PNPT1: variants seen among roughly 807,000 people sequenced by gnomAD.
PNPT1 encodes the protein polyribonucleotide nucleotidyltransferase 1, mitochondrial.
PNPT1 carries 53 observed loss-of-function variants against 119.5 expected under a neutral mutation model. That is an observed-to-expected ratio of 0.44 (90% CI 0.36 to 0.56). The LOEUF (loss-of-function observed/expected upper bound fraction) is 0.56, where lower values mean the gene tolerates loss of function less well. Among genes scored for constraint, PNPT1 ranks in the 20% least tolerant of loss-of-function variants. The probability of loss-of-function intolerance (pLI) is 0.00; values close to 1 mark genes in which losing one functional copy is unlikely to be tolerated. For missense variants in PNPT1, 948 were observed against 938.5 expected (o/e 1.01, Z -0.13); for synonymous variants, 357 against 322.1 (o/e 1.11, Z -1.16).
intron 26 of PNPT1, among the ~76,000 whole-genome samples, chr2:55,638,728 C>T (rs866242723): frequency 3.3e-5 from 5 of 151,986 alleles, no homozygotes; most frequent in African/African-American, 7.3e-5. Flanking sequence ...TGTATGTGTA[C>T]GGCATTTATA....
intron 1 of PNPT1, among the ~76,000 whole-genome samples, chr2:55,691,868 ATATATATATATTTTTTTTTT>A (rs753585965): frequency 0.31 from 12,994 of 42,080 alleles, 869 homozygotes; most frequent in African/African-American, 0.35. Flanking sequence ...ATATATATAT[ATATATATATATTTTTTTTTT>A]TTTTTTTTTT....
At chr2:55,656,475 ATT>A (rs1696392760) in intron 15 of PNPT1, 104 bp from the exon 16 acceptor site, 1 of 1,100,678 alleles carries the variant, frequency 9.1e-7, no homozygotes, top group South Asian at 1.6e-5. Flanking sequence ...GTAGAATCTC[ATT>A]TTTGTTTTTT....
At chr2:55,641,233 A>C (rs1695825410) in intron 25 of PNPT1, among the ~76,000 whole-genome samples, 1 of 152,022 alleles carries the variant, frequency 6.6e-6, no homozygotes, top group Non-Finnish European at 1.5e-5. Context: ...AACAAAAAAA[A>C]CTTTTAGAAT....
At chr2:55,646,129 G>A in intron 21 of PNPT1, 130 bp downstream of exon 21, 1 of 909,508 alleles carries the variant, frequency 1.1e-6, no homozygotes, top group Non-Finnish European at 1.7e-6. Flanking sequence ...CACCTGGCCA[G>A]TACTTCTTGA....
Position 55,693,832 on chromosome 2 carries a change from G to A in PNPT1, c.-9C>T. The A allele has an allele frequency of 1.2e-6, 2 of 1,612,802 alleles. No homozygotes were observed. The highest frequency in any genetic ancestry group is 1.7e-6 in the Non-Finnish European group (2 of 1,179,942). On this transcript the variant is annotated 5_prime_UTR_variant, in exon 1 of 28. Coordinates refer to ENST00000447944, the MANE Select transcript of PNPT1 (RefSeq NM_033109.5). Reference sequence around the variant, plus strand: ...TACCTGCAGGCCGCCATGACACCCGGCACGCGGTCAACGCAGGCTGTGCCC... The same window carrying A: ...TACCTGCAGGCCGCCATGACACCCGACACGCGGTCAACGCAGGCTGTGCCC...
At chr2:55,689,492 T>C (rs774836923) in intron 1 of PNPT1, among the ~76,000 whole-genome samples, 6 of 152,230 alleles carry the variant, frequency 3.9e-5, no homozygotes, top group Non-Finnish European at 7.3e-5. Flanking sequence ...AAGCTAAATG[T>C]GGTATAATCC....
At chr2:55,686,116 A>C (rs1217199878) in intron 3 of PNPT1, among the ~76,000 whole-genome samples, 2 of 151,550 alleles carry the variant, frequency 1.3e-5, no homozygotes, top group Non-Finnish European at 3.0e-5. Context: ...ATTCAATGTC[A>C]AAGTACTCAT....
chr2:55,643,507 G>A (rs1458768380), intron 23 of PNPT1, 82 bp from the exon 24 acceptor site: 2 of 1,191,414 alleles, frequency 1.7e-6, no homozygotes, highest in South Asian at 2.6e-5. Flanking sequence ...CACTCTGGGG[G>A]GCTGAGGTGG....
intron 16 of PNPT1, 27 bp downstream of exon 16, chr2:55,656,278 G>A (rs369575933): frequency 3.4e-5 from 54 of 1,610,118 alleles, no homozygotes; most frequent in East Asian, 4.5e-5. Context: ...TAAGAATACC[G>A]TATTAAGTTT....
intron 1 of PNPT1, among the ~76,000 whole-genome samples, chr2:55,691,878 A>ATATATATTTT (rs1326804958): frequency 1.8e-4 from 6 of 33,120 alleles, no homozygotes; most frequent in Admixed American, 9.8e-4. Flanking sequence ...ATATATATAT[A>ATATATATTTT]TTTTTTTTTT....
intron 18 of PNPT1, among the ~76,000 whole-genome samples, 160 bp from the exon 19 acceptor site, chr2:55,647,613 G>A (rs1696042985): frequency 6.6e-6 from 1 of 151,570 alleles, no homozygotes; most frequent in South Asian, 2.1e-4. Context: ...TCTGCTTCCT[G>A]GGTTCAAGCA....
intron 1 of PNPT1, among the ~76,000 whole-genome samples, chr2:55,692,329 A>C (rs1697643033): frequency 6.6e-6 from 1 of 152,186 alleles, no homozygotes; most frequent in Admixed American, 6.5e-5. Flanking sequence ...GCACAAGAAA[A>C]TGGTGAATTA....
intron 15 of PNPT1, among the ~76,000 whole-genome samples, chr2:55,657,189 C>T (rs1314878979): frequency 1.3e-5 from 2 of 151,738 alleles, no homozygotes; most frequent in East Asian, 2.0e-4. Flanking sequence ...ATCAGCAGGG[C>T]GTGGTGGCGC....
In PNPT1 at chr2:55,679,770, A is replaced by G. The variant is rs1370522796; in HGVS notation, c.591T>C (p.Asp197=). ...TTGTTGGGTTAACAACATATTCTCC[A>G]TCAATTATTCCTATTCGTACTGCCC... The part of the protein sequence containing the change: ...PVGAVRIGII[D]GEYVVNPTRK... The change falls in exon 8 of 28, where the codon GAT becomes GAC. Residue 197 remains aspartate (D), a synonymous_variant. Transcript: ENST00000447944. 3 of 1,609,530 alleles carry G rather than the reference A, an allele frequency of 1.9e-6. No individual in the cohort carries two copies. In the African/African-American group the frequency reaches 4.0e-5, roughly 22 times the overall value.
intron 11 of PNPT1, among the ~76,000 whole-genome samples, chr2:55,670,138 C>A: frequency 6.6e-6 from 1 of 151,764 alleles, no homozygotes; most frequent in East Asian, 1.9e-4. Flanking sequence ...TGTCATACTT[C>A]ATTTATATTC....
At chr2:55,660,223 A>G in intron 14 of PNPT1, 30 bp from the exon 15 acceptor site, 1 of 1,549,006 alleles carries the variant, frequency 6.5e-7, no homozygotes, top group Admixed American at 1.9e-5. Context: ...TATTAAAAAC[A>G]TCATAGGGAA....
intron 11 of PNPT1, 114 bp from the exon 12 acceptor site, chr2:55,668,072 C>A: frequency 1.1e-6 from 1 of 908,842 alleles, no homozygotes; most frequent in Non-Finnish European, 1.7e-6. Context: ...AGGGAGATGA[C>A]TCTGAACGTT....
intron 8 of PNPT1, among the ~76,000 whole-genome samples, chr2:55,678,369 AC>A (rs1697149420): frequency 6.6e-6 from 1 of 152,210 alleles, no homozygotes; most frequent in Non-Finnish European, 1.5e-5. Flanking sequence ...CAGGCAGAAT[AC>A]AAAAATCATT....
intron 26 of PNPT1, among the ~76,000 whole-genome samples, chr2:55,638,990 G>C (rs1361873683): frequency 6.6e-6 from 1 of 152,042 alleles, no homozygotes; most frequent in Non-Finnish European, 1.5e-5. Flanking sequence ...TGGCCATGCT[G>C]GTCTCAAACT....
Sources: allele counts gnomAD v4.1 joint callset (sites outside exome capture counted in the v4.1 genomes callset), GRCh38; gene constraint gnomAD v4.1.1; transcripts MANE v1.5; gene names NCBI Gene and HGNC (gene_info 2026-07-23, HGNC 2026-07-21).